Variants in ROS1 observed in about 807,000 individuals in gnomAD.
ROS1 encodes the protein ROS proto-oncogene 1, receptor tyrosine kinase.
In ROS1, 263 loss-of-function variants were observed where a neutral mutation model predicts 273.5. The ratio of observed to expected loss-of-function variants is 0.96; its 90% CI spans 0.87 to 1.06. The LOEUF is 1.06. Ranked by LOEUF, ROS1 falls within the 50% of genes least tolerant of loss-of-function variation. The pLI, the probability that ROS1 is intolerant of heterozygous loss-of-function variation, is 0.00. For missense variants in ROS1, 2,833 were observed against 2,751.1 expected (o/e 1.03, Z -0.67); for synonymous variants, 1,008 against 954.1 (o/e 1.06, Z -1.04).
intron 13 of ROS1, 57 bp downstream of exon 13, chr6:117,389,292 TC>T: frequency 3.3e-6 from 5 of 1,536,144 alleles, no homozygotes; most frequent in Non-Finnish European, 4.4e-6. Flanking sequence ...GCCAAGCAGT[TC>T]AAACCTTCCT....
intron 15 of ROS1, 24 bp from the exon 16 acceptor site, chr6:117,385,885 C>A (rs1772539395): frequency 6.2e-7 from 1 of 1,604,360 alleles, no homozygotes; most frequent in Non-Finnish European, 8.5e-7. Context: ...GAATGATTAG[C>A]AGTTATTTTT....
At chr6:117,346,607 T>C (rs1778399552) in intron 27 of ROS1, among the ~76,000 whole-genome samples, 1 of 152,050 alleles carries the variant, frequency 6.6e-6, no homozygotes, top group Admixed American at 6.6e-5. Context: ...TTAGTCAGTT[T>C]TAGATTCACA....
In ROS1 at chr6:117,362,793, A is replaced by G. The variant is rs1779913382; in HGVS notation, c.3176T>C (p.Val1059Ala). The change falls in exon 22 of 44, where the codon GTG becomes GCG. Residue 1059 changes from valine (V) to alanine (A), a missense_variant. By Grantham distance (64) the Val-to-Ala change is moderately conservative. Transcript: ENST00000368507. ...SGKCCNKNEV[V>A]VEFRWNKPKH... ...AGGTTTGTTCCACCTAAATTCCACC[A>G]CAACTTCATTCTTGTTGCAGCATTT... 6.2e-7 allele frequency: 1 copy of G among 1,613,546 alleles called. No homozygotes were observed. The highest frequency in any genetic ancestry group is 1.1e-5 in the South Asian group (1 of 91,052).
chr6:117,425,758 G>T lies in ROS1; in HGVS notation c.-102C>A. The T allele has an allele frequency of 7.7e-7, 1 of 1,297,490 alleles. No homozygotes were observed. Among genetic ancestry groups the T allele is most frequent in the Non-Finnish European group, 1.1e-6 (1 of 923,120 alleles). 80.4% of individuals were successfully genotyped at this position (1,297,490 alleles called of 1,614,324 possible). A position where few individuals can be genotyped will look rare whatever the true frequency, so the allele number is the denominator to read the frequency against. Reference sequence around the variant, plus strand: ...CACTTCAATTGGAGGAGTAGCTGATGGATTTTGCTTTGTTTGTTTTGCTAT... The same window carrying T: ...CACTTCAATTGGAGGAGTAGCTGATTGATTTTGCTTTGTTTGTTTTGCTAT... On this transcript the variant is annotated 5_prime_UTR_variant, in exon 1 of 44. Coordinates refer to ENST00000368507, the MANE Select transcript of ROS1 (RefSeq NM_001378902.1).
intron 15 of ROS1, 126 bp downstream of exon 15, chr6:117,386,763 C>A: frequency 2.0e-6 from 1 of 508,982 alleles, no homozygotes; most frequent in South Asian, 4.4e-5. Flanking sequence ...AGAGTTCAGT[C>A]AATATTTTTT....
chr6:117,401,568 C>T (rs995786358), intron 7 of ROS1, among the ~76,000 whole-genome samples: 1 of 152,136 alleles, frequency 6.6e-6, no homozygotes, highest in Non-Finnish European at 1.5e-5. Flanking sequence ...AAGAAGGATG[C>T]TATTCATTGG....
intron 40 of ROS1, 99 bp from the exon 41 acceptor site, chr6:117,310,380 A>ATTTT (rs372650546): frequency 7.1e-4 from 483 of 681,828 alleles, no homozygotes; most frequent in Non-Finnish European, 8.1e-4. Flanking sequence ...AAGAGAAACT[A>ATTTT]TTTTTTTTTT....
At chr6:117,326,089 GATTATATATATATATATAT>G (rs1267362359) in intron 34 of ROS1, 116 bp downstream of exon 34, 1,680 of 166,738 alleles carry the variant, frequency 0.01, 45 homozygotes, top group African/African-American at 0.065. Context: ...TGGATAATAA[GATTATATATATATATATAT>G]ATATATATAT....
At chr6:117,318,277 GA>G in intron 37 of ROS1, 25 bp from the exon 38 acceptor site, 1 of 1,573,726 alleles carries the variant, frequency 6.4e-7, no homozygotes, top group Non-Finnish European at 8.7e-7. Flanking sequence ...AACAAGTCAG[GA>G]ATCAGTATAG....
chr6:117,317,318 A>C, intron 38 of ROS1, 46 bp from the exon 39 acceptor site: 2 of 1,585,596 alleles, frequency 1.3e-6, no homozygotes, highest in Non-Finnish European at 1.7e-6. Flanking sequence ...CAGAAGCAGG[A>C]GTCCTAGCCG....
intron 42 of ROS1, among the ~76,000 whole-genome samples, chr6:117,307,529 G>A (rs1775195968): frequency 6.6e-6 from 1 of 151,962 alleles, no homozygotes; most frequent in African/African-American, 2.4e-5. Flanking sequence ...TTCAAATTTT[G>A]TATAATTTCT....
chr6:117,314,639 G>C (rs1201293923), intron 39 of ROS1, among the ~76,000 whole-genome samples: 1 of 152,162 alleles, frequency 6.6e-6, no homozygotes, highest in African/African-American at 2.4e-5. Flanking sequence ...GCACTGTACT[G>C]AAATGCAGAG....
intron 43 of ROS1, among the ~76,000 whole-genome samples, chr6:117,298,438 C>T (rs1774423191): frequency 6.6e-6 from 1 of 152,182 alleles, no homozygotes; most frequent in Non-Finnish European, 1.5e-5. Context: ...ATATTCAATT[C>T]AACCCAGTTA....
At chr6:117,335,754 C>T (rs557826546) in intron 32 of ROS1, among the ~76,000 whole-genome samples, 103 of 152,232 alleles carry the variant, frequency 6.8e-4, no homozygotes, top group Admixed American at 1.3e-3. Flanking sequence ...CAAAACAGCA[C>T]GTGTTCTCAC....
chr6:117,392,963 C>T (rs1033422030), intron 12 of ROS1, among the ~76,000 whole-genome samples: 1 of 152,154 alleles, frequency 6.6e-6, no homozygotes, highest in Non-Finnish European at 1.5e-5. Context: ...GACTCCCAGA[C>T]AGGAGGTCTT....
At chr6:117,323,056 C>T (rs951820129) in intron 35 of ROS1, among the ~76,000 whole-genome samples, 3 of 152,158 alleles carry the variant, frequency 2.0e-5, no homozygotes, top group Non-Finnish European at 2.9e-5. Context: ...AGCCTATATG[C>T]CAACTGCCAA....
intron 18 of ROS1, among the ~76,000 whole-genome samples, chr6:117,374,304 A>C (rs1169834251): frequency 6.6e-6 from 1 of 152,214 alleles, no homozygotes; most frequent in Non-Finnish European, 1.5e-5. Flanking sequence ...CACATATCAA[A>C]GTAACAAAAT....
At chr6:117,418,321 C>T (rs1213065421) in intron 2 of ROS1, 141 bp downstream of exon 2, 3 of 651,424 alleles carry the variant, frequency 4.6e-6, no homozygotes, top group South Asian at 4.1e-5. Context: ...TCAGACTTCT[C>T]ATTATTTTCA....
chr6:117,397,501 G>A (rs1773595802), intron 7 of ROS1, among the ~76,000 whole-genome samples: 1 of 152,140 alleles, frequency 6.6e-6, no homozygotes, highest in Non-Finnish European at 1.5e-5. Context: ...TGATCGACGA[G>A]TTTAAAAAAA....
Sources: allele counts gnomAD v4.1 joint callset (sites outside exome capture counted in the v4.1 genomes callset), GRCh38; gene constraint gnomAD v4.1.1; transcripts MANE v1.5; gene names NCBI Gene and HGNC (gene_info 2026-07-23, HGNC 2026-07-21).